PIK3R6: variants seen among roughly 807,000 people sequenced by gnomAD.
PIK3R6 encodes phosphoinositide-3-kinase regulatory subunit 6.
In PIK3R6, 91 loss-of-function variants were observed where a neutral mutation model predicts 84.9. The observed-to-expected ratio is 1.07, with a 90% CI of 0.90 to 1.28. PIK3R6 has a LOEUF of 1.28. Ranked by LOEUF, PIK3R6 falls within the 50% of genes most tolerant of loss-of-function variation. The pLI is 0.00. For missense variants in PIK3R6, 996 were observed against 985.1 expected, an observed-to-expected ratio of 1.01 and a Z score of -0.15; for synonymous variants, 416 against 411.4, an observed-to-expected ratio of 1.01 and a Z score of -0.13.
At chr17:8,833,869 TGAAA>T (rs1299684477) in intron 8 of PIK3R6, among the ~76,000 whole-genome samples, 1 of 151,728 alleles carries the variant, frequency 6.6e-6, no homozygotes, top group South Asian at 2.1e-4. Context: ...AGACTTGAAG[TGAAA>T]GAGTGAGCCA....
intron 10 of PIK3R6, 66 bp downstream of exon 10, chr17:8,829,640 A>G (rs2088160773): frequency 2.1e-6 from 3 of 1,448,660 alleles, no homozygotes; most frequent in Middle Eastern, 1.7e-4. Flanking sequence ...ACACACACTC[A>G]TGCACGCATA....
intron 1 of PIK3R6, among the ~76,000 whole-genome samples, chr17:8,850,493 T>G (rs770909524): frequency 1.3e-5 from 2 of 152,114 alleles, no homozygotes; most frequent in Non-Finnish European, 2.9e-5. Context: ...GGTAAATAGC[T>G]ATTCAAAGTT....
intron 12 of PIK3R6, among the ~76,000 whole-genome samples, chr17:8,827,742 G>GGAGAGAGAGAGAGAGAGAGAGGA (rs1237461633): frequency 1.1e-5 from 1 of 90,908 alleles, no homozygotes; most frequent in African/African-American, 4.6e-5. Flanking sequence ...GGAGGGAAGG[G>GGAGAGAGAGAGAGAGAGAGAGGA]GAGAGAGAGA....
intron 8 of PIK3R6, among the ~76,000 whole-genome samples, chr17:8,834,996 G>T (rs1018280078): frequency 7.9e-5 from 12 of 151,964 alleles, no homozygotes; most frequent in African/African-American, 2.7e-4. Flanking sequence ...CGCCACCACG[G>T]CCAGTTAGTT....
chr17:8,829,842 T>G, intron 9 of PIK3R6, 50 bp from the exon 10 acceptor site: 1 of 1,424,090 alleles, frequency 7.0e-7, no homozygotes, highest in Non-Finnish European at 9.6e-7. Flanking sequence ...CATGGGACCC[T>G]CCTCTGCCCT....
At position 8,839,270 on chromosome 17, in the gene PIK3R6, C is replaced by T. The variant is rs1163020125; in HGVS notation, c.97+344G>A. Among the ~76,000 whole-genome samples, 3 of 152,100 alleles carry T rather than the reference C, an allele frequency of 2.0e-5. No individual in the cohort carries two copies. The highest frequency in any genetic ancestry group is 2.9e-5 in the Non-Finnish European group (2 of 68,000). ...GGCTGAGGCAGGAGGATCGCTTGAA[C>T]CAGGGAGGCAGAGGTTGTGGTGAGC... On this transcript the variant is annotated intron_variant, in intron 3 of 19. Transcript: ENST00000619866. This position sits in a 1 kb window ranked among gnomAD's most constrained non-coding sequence, Gnocchi z 4.2.
chr17:8,861,657 A>C (rs1168061876), intron 1 of PIK3R6, among the ~76,000 whole-genome samples: 2 of 152,158 alleles, frequency 1.3e-5, no homozygotes, highest in African/African-American at 4.8e-5. Flanking sequence ...TTATCAGATA[A>C]ACTGTCGTGG....
Position 8,822,922 on chromosome 17 carries a change from T to A in PIK3R6, c.1717+74A>T, listed in dbSNP as rs946517926. The A allele has an allele frequency of 5.6e-6, 7 of 1,249,322 alleles. No individual in the cohort carries two copies. The African/African-American group carries it at 1.0e-4, about 19-fold the overall frequency. 77.4% of individuals were successfully genotyped at this position (1,249,322 alleles called of 1,614,324 possible). A position where few individuals can be genotyped will look rare whatever the true frequency, so the allele number is the denominator to read the frequency against. On this transcript the variant is annotated intron_variant, in intron 15 of 19. Transcript: ENST00000619866. ...GTGTGGGCGTGCAGGCATCATCAGG[T>A]GAGAGGTGGAAGGATGAGAGTTTGG...
Position 8,803,663 on chromosome 17 carries a change from C to A in PIK3R6, c.2109-234G>T. ...TAACTCTGCGCATGCCTCCCTTACC[C>A]AAACACACCTCCCGAGGGGAAGCCA... On this transcript the variant is annotated intron_variant, in intron 19 of 19. Coordinates refer to ENST00000619866, the MANE Select transcript of PIK3R6 (RefSeq NM_001010855.4). The surrounding 1 kb of genome is among the most constrained non-coding windows in gnomAD (Gnocchi z 5.0). 1 of 557,266 alleles carries A rather than the reference C, an allele frequency of 1.8e-6. No individual in the cohort carries two copies. The highest frequency in any genetic ancestry group is 3.2e-6 in the Non-Finnish European group (1 of 316,038). 34.5% of individuals were successfully genotyped at this position (557,266 alleles called of 1,614,324 possible). A position where few individuals can be genotyped will look rare whatever the true frequency, so the allele number is the denominator to read the frequency against.
In PIK3R6 at chr17:8,803,646, C is replaced by A. The variant is rs562452085; in HGVS notation, c.2109-217G>T. On this transcript the variant is annotated intron_variant, in intron 19 of 19. Transcript: ENST00000619866. This position sits in a 1 kb window ranked among gnomAD's most constrained non-coding sequence, Gnocchi z 5.0. ...GAGACACTTGGAGCAAGTAACTCTG[C>A]GCATGCCTCCCTTACCCAAACACAC... 3.5e-6 allele frequency: 2 copies of A among 567,792 alleles called. No homozygotes were observed. The highest frequency in any genetic ancestry group is 6.0e-5 in the East Asian group (2 of 33,222). The allele number at this position is 567,792 out of a possible 1,614,324, so 35.2% of individuals were successfully genotyped here.
intron 1 of PIK3R6, among the ~76,000 whole-genome samples, chr17:8,856,092 T>C (rs765268068): frequency 2.0e-5 from 3 of 152,222 alleles, no homozygotes; most frequent in Non-Finnish European, 4.4e-5. Context: ...ATGGTTCCAT[T>C]TATATGACAT....
intron 17 of PIK3R6, among the ~76,000 whole-genome samples, chr17:8,819,921 TTATA>T (rs72259680): frequency 7.3e-6 from 1 of 136,260 alleles, no homozygotes; most frequent in South Asian, 2.2e-4. Flanking sequence ...TATATATATT[TTATA>T]TATATATATA....
At chr17:8,832,516 G>A (rs927188543) in intron 9 of PIK3R6, among the ~76,000 whole-genome samples, 2 of 149,732 alleles carry the variant, frequency 1.3e-5, no homozygotes, top group African/African-American at 4.9e-5. Context: ...CCGAGTAGCT[G>A]GGACTGCAGG....
At position 8,810,801 on chromosome 17, in the gene PIK3R6, A is replaced by G. The variant is rs1335602217; in HGVS notation, c.1996-6648T>C. 6.7e-5 allele frequency among the ~76,000 whole-genome samples: 10 copies of G among 148,616 alleles called. 2 individuals are homozygous for G. The highest frequency in any genetic ancestry group is 4.1e-4 in the Admixed American group (6 of 14,654). On this transcript the variant is annotated intron_variant, in intron 18 of 19. Transcript: ENST00000619866. Reference sequence around the variant, plus strand: ...CATGGTCTTGGACAGCTCTGCCCCTATGGCTTTGCAGGGTTCTGCCTCCCT... The same window carrying G: ...CATGGTCTTGGACAGCTCTGCCCCTGTGGCTTTGCAGGGTTCTGCCTCCCT...
intron 12 of PIK3R6, 57 bp downstream of exon 12, chr17:8,828,055 T>C: frequency 6.5e-7 from 1 of 1,541,062 alleles, no homozygotes; most frequent in East Asian, 2.2e-5. Context: ...TGCAGGTGTG[T>C]CCCTGCCCAG....
intron 1 of PIK3R6, among the ~76,000 whole-genome samples, chr17:8,853,484 C>CAAAAAAAAAAA (rs56939877): frequency 9.6e-6 from 1 of 104,462 alleles, no homozygotes; most frequent in Non-Finnish European, 2.0e-5. Context: ...GACTCCATCT[C>CAAAAAAAAAAA]AAAAAAAAAA....
chr17:8,841,430 C>T (rs1250470210), intron 2 of PIK3R6, among the ~76,000 whole-genome samples: 2 of 152,122 alleles, frequency 1.3e-5, no homozygotes, highest in Non-Finnish European at 2.9e-5. Context: ...CCCTTACCGT[C>T]GATGTATAAG....
At chr17:8,804,352 CT>C (rs1164586377) in intron 18 of PIK3R6, among the ~76,000 whole-genome samples, 199 bp from the exon 19 acceptor site, 17 of 152,156 alleles carry the variant, frequency 1.1e-4, no homozygotes, top group African/African-American at 4.1e-4. Flanking sequence ...TCACATCGTT[CT>C]TCCAGTTCTT....
chr17:8,817,355 T>C (rs1387432112), intron 18 of PIK3R6, among the ~76,000 whole-genome samples: 1 of 152,220 alleles, frequency 6.6e-6, no homozygotes, highest in Non-Finnish European at 1.5e-5. Flanking sequence ...GGTTAAAACA[T>C]TATCTTGGCC....
Sources: allele counts gnomAD v4.1 joint callset (sites outside exome capture counted in the v4.1 genomes callset), GRCh38; gene constraint gnomAD v4.1.1; non-coding constraint Gnocchi (gnomAD v3.1); transcripts MANE v1.5; gene names NCBI Gene and HGNC (gene_info 2026-07-23, HGNC 2026-07-21).